Variants in SLC25A13 observed in about 807,000 individuals in gnomAD.
SLC25A13 encodes solute carrier family 25 member 13.
Under a neutral mutation model 85.5 loss-of-function variants are expected in SLC25A13, and 70 were observed. That is an observed-to-expected ratio of 0.82 (90% CI 0.68 to 1.00). The LOEUF (loss-of-function observed/expected upper bound fraction) is 1.00, where lower values mean the gene tolerates loss of function less well. Ranked by LOEUF, SLC25A13 falls within the 50% of genes least tolerant of loss-of-function variation. The pLI, the probability that SLC25A13 is intolerant of heterozygous loss-of-function variation, is 0.00. For synonymous variants in SLC25A13, 259 were observed against 288.7 expected, an observed-to-expected ratio of 0.90 and a Z score of 1.04; for missense variants, 765 against 819.8, an observed-to-expected ratio of 0.93 and a Z score of 0.82.
intron 4 of SLC25A13, among the ~76,000 whole-genome samples, chr7:96,225,835 T>C (rs1298352460): frequency 6.6e-6 from 1 of 152,176 alleles, no homozygotes; most frequent in Non-Finnish European, 1.5e-5. Context: ...GACATCATAT[T>C]TTTTGTATTT....
Position 96,133,323 on chromosome 7 carries a change from T to A in SLC25A13, c.1453-1442A>T, listed in dbSNP as rs549993533. ...AAAGTGTTAGATGTCTAATTAAGAA[T>A]CACAATATCCACCACACCCAAGCTA... On this transcript the variant is annotated intron_variant, in intron 14 of 17. Coordinates refer to ENST00000265631, the MANE Select transcript of SLC25A13 (RefSeq NM_014251.3). Among the ~76,000 whole-genome samples the A allele has an allele frequency of 2.0e-5, 3 of 152,294 alleles. No individual in the cohort carries two copies. The South Asian group carries it at 6.2e-4, about 32-fold the overall frequency.
At chr7:96,303,729 T>A (rs963430845) in intron 1 of SLC25A13, among the ~76,000 whole-genome samples, 2 of 152,066 alleles carry the variant, frequency 1.3e-5, no homozygotes, top group Non-Finnish European at 2.9e-5. Flanking sequence ...TGTGGCAACC[T>A]CCTGCCCTCC....
chr7:96,230,141 T>C (rs1176424008), intron 4 of SLC25A13, among the ~76,000 whole-genome samples: 2 of 152,156 alleles, frequency 1.3e-5, no homozygotes, highest in African/African-American at 4.8e-5. Context: ...AGTCACATAA[T>C]GGAATTCAAT....
chr7:96,238,692 G>A (rs891034814), intron 3 of SLC25A13, among the ~76,000 whole-genome samples: 4 of 151,932 alleles, frequency 2.6e-5, no homozygotes, highest in African/African-American at 7.3e-5. Context: ...TTGCTTCCCA[G>A]TCGCCACGCC....
At chr7:96,197,920 G>C (rs538774395) in intron 5 of SLC25A13, among the ~76,000 whole-genome samples, 1 of 152,240 alleles carries the variant, frequency 6.6e-6, no homozygotes, top group African/African-American at 2.4e-5. Context: ...GATGCTATAG[G>C]GGTCAGAGTT....
intron 4 of SLC25A13, among the ~76,000 whole-genome samples, chr7:96,231,793 G>A (rs1233505226): frequency 6.6e-6 from 1 of 151,570 alleles, no homozygotes; most frequent in African/African-American, 2.4e-5. Context: ...ACACATATAC[G>A]CGGCCAAGAA....
chr7:96,298,168 T>C (rs988889051), intron 1 of SLC25A13, among the ~76,000 whole-genome samples: 6 of 152,194 alleles, frequency 3.9e-5, no homozygotes, highest in African/African-American at 9.7e-5. Flanking sequence ...GGGAAACTTA[T>C]GCAAATTGTC....
At chr7:96,318,120 T>C (rs1415439896) in intron 1 of SLC25A13, among the ~76,000 whole-genome samples, 1 of 152,236 alleles carries the variant, frequency 6.6e-6, no homozygotes, top group Non-Finnish European at 1.5e-5. Context: ...TTGTCTTTAT[T>C]ATTAATGCTT....
chr7:96,201,921 G>A (rs1211041026), intron 5 of SLC25A13, among the ~76,000 whole-genome samples: 1 of 152,126 alleles, frequency 6.6e-6, no homozygotes, highest in Non-Finnish European at 1.5e-5. Flanking sequence ...GACCACATCT[G>A]ACCAGCAGCA....
At chr7:96,291,093 T>C (rs1237154586) in intron 2 of SLC25A13, among the ~76,000 whole-genome samples, 11 of 152,162 alleles carry the variant, frequency 7.2e-5, no homozygotes, top group Admixed American at 7.2e-4. Flanking sequence ...CAGACCACAG[T>C]GCAATCAAAC....
intron 13 of SLC25A13, 195 bp downstream of exon 13, chr7:96,169,850 T>G (rs956338803): frequency 3.3e-6 from 2 of 614,112 alleles, no homozygotes; most frequent in African/African-American, 3.7e-5. Flanking sequence ...TAACAGGCAG[T>G]AAGGTCAGAA....
intron 3 of SLC25A13, among the ~76,000 whole-genome samples, chr7:96,247,521 T>C (rs2116856148): frequency 6.6e-6 from 1 of 152,282 alleles, no homozygotes; most frequent in East Asian, 1.9e-4. Context: ...CTCGATCCTA[T>C]AAAATAATTC....
chr7:96,218,710 T>C (rs1795990522), intron 4 of SLC25A13, among the ~76,000 whole-genome samples: 1 of 152,184 alleles, frequency 6.6e-6, no homozygotes, highest in African/African-American at 2.4e-5. Flanking sequence ...CTCTTTCTCA[T>C]GGATTTTAAA....
chr7:96,133,267 C>A (rs565519370), intron 14 of SLC25A13, among the ~76,000 whole-genome samples: 2 of 152,172 alleles, frequency 1.3e-5, no homozygotes, highest in African/African-American at 4.8e-5. Flanking sequence ...TACTGCCAAC[C>A]GGCTCAGGCT....
At position 96,304,341 on chromosome 7, in the gene SLC25A13, G is replaced by A. The variant is rs143112272; in HGVS notation, c.16-7390C>T. On this transcript the variant is annotated intron_variant, in intron 1 of 17. Coordinates refer to ENST00000265631, the MANE Select transcript of SLC25A13 (RefSeq NM_014251.3). Reference sequence around the variant, plus strand: ...TAACCCACTGGGTAATTACATCAGCGAGTCATTTCAGAGGCACTAGAGATG... The same window carrying A: ...TAACCCACTGGGTAATTACATCAGCAAGTCATTTCAGAGGCACTAGAGATG... Among the ~76,000 whole-genome samples the A allele has an allele frequency of 5.9e-5, 9 of 152,276 alleles. No individual in the cohort carries two copies. The East Asian group carries it at 1.2e-3, about 20-fold the overall frequency.
At chr7:96,134,814 A>ATATATATATATAT (rs1554337570) in intron 14 of SLC25A13, among the ~76,000 whole-genome samples, 2 of 64,430 alleles carry the variant, frequency 3.1e-5, no homozygotes, top group African/African-American at 1.6e-4. Flanking sequence ...TATATATATA[A>ATATATATATATAT]CCCTGAGGAA....
rs13308798 is a variant in SLC25A13 at position 96,209,353 on chromosome 7, T to C, written c.329-376A>G. ...TCAATCTTAGTGGCAGGAAAACACA[T>C]ACACACACACACACACACACACACA... is the stretch of plus-strand genomic sequence containing the variant. On this transcript the variant is annotated intron_variant, in intron 4 of 17. Transcript: ENST00000265631. Among the ~76,000 whole-genome samples the C allele has an allele frequency of 5.4e-3, 781 of 145,504 alleles. 1 individual carries two copies. Among genetic ancestry groups the C allele is most frequent in the African/African-American group, 0.011 (429 of 39,020 alleles).
intron 5 of SLC25A13, among the ~76,000 whole-genome samples, chr7:96,194,450 A>AAAG (rs1221889751): frequency 6.9e-6 from 1 of 145,326 alleles, no homozygotes; most frequent in Non-Finnish European, 1.5e-5. Context: ...CTCAAAAAAA[A>AAAG]AAAAAAAAAA....
intron 3 of SLC25A13, among the ~76,000 whole-genome samples, chr7:96,261,899 A>AACTCATCCTTTGATAAGAAACCC (rs1797867681): frequency 6.6e-6 from 1 of 152,192 alleles, no homozygotes; most frequent in Non-Finnish European, 1.5e-5. Context: ...GAAGAGGACC[A>AACTCATCCTTTGATAAGAAACCC]ACTCATCCTT....
Sources: gnomAD v4.1 joint callset for allele counts (sites outside exome capture counted in the v4.1 genomes callset) on GRCh38, gnomAD v4.1.1 for gene constraint, MANE v1.5 for transcripts, NCBI Gene and HGNC (gene_info 2026-07-23, HGNC 2026-07-21) for gene names.